Variants in SCIN observed in about 807,000 individuals in gnomAD.
The protein encoded by SCIN is scinderin, also known as adseverin.
A neutral mutation model predicts 91.8 loss-of-function variants in SCIN; 91 were observed. The observed-to-expected ratio is 0.99, with a 90% CI of 0.84 to 1.18. The LOEUF is 1.18. Ranked by LOEUF, SCIN falls within the 50% of genes most tolerant of loss-of-function variation. SCIN has a pLI of 0.00. For missense variants in SCIN, 1,087 were observed against 863.9 expected (o/e 1.26, Z -3.24); for synonymous variants, 367 against 312.6 (o/e 1.17, Z -1.84).
chr7:12,591,432 T>C (rs1212170169), intron 3 of SCIN, among the ~76,000 whole-genome samples: 1 of 152,098 alleles, frequency 6.6e-6, no homozygotes, highest in East Asian at 1.9e-4. Context: ...CCTTTGACTG[T>C]GTTATCTAGT....
In SCIN at chr7:12,651,715, G is replaced by A. The variant is rs542236424; in HGVS notation, c.1960-126G>A. On this transcript the variant is annotated intron_variant, in intron 14 of 15. Transcript: ENST00000297029. The surrounding 1 kb of genome is among the most constrained non-coding windows in gnomAD (Gnocchi z 5.9). Reference sequence around the variant, plus strand: ...TACCTCTCTGGGCCACCACCTCCACGTCCCTAACTTCTGCGGATATTGTGA... The same window carrying A: ...TACCTCTCTGGGCCACCACCTCCACATCCCTAACTTCTGCGGATATTGTGA... The A allele has an allele frequency of 9.4e-5, 58 of 618,466 alleles. No individual in the cohort carries two copies. Among genetic ancestry groups the A allele is most frequent in the Middle Eastern group, 4.1e-4 (1 of 2,426 alleles). The allele number at this position is 618,466 out of a possible 1,614,324, so 38.3% of individuals were successfully genotyped here. A position where few individuals can be genotyped will look rare whatever the true frequency, so the allele number is the denominator to read the frequency against.
chr7:12,629,372 T>C lies in SCIN; in HGVS notation c.1319+150T>C, dbSNP rs1562625146. 8 of 759,012 alleles carry C rather than the reference T, an allele frequency of 1.1e-5. No homozygotes were observed. In the East Asian group the frequency reaches 1.5e-4, roughly 14 times the overall value. The allele number at this position is 759,012 out of a possible 1,614,324, so 47.0% of individuals were successfully genotyped here. A position where few individuals can be genotyped will look rare whatever the true frequency, so the allele number is the denominator to read the frequency against. On this transcript the variant is annotated intron_variant, in intron 9 of 15. Coordinates refer to ENST00000297029, the MANE Select transcript of SCIN (RefSeq NM_001112706.3). ...CATATAGTATTTTCTTTTTACATGA[T>C]TTTGACTATGTTTTGCAGTTGCCAT...
At position 12,601,512 on chromosome 7, in the gene SCIN, G is replaced by A. The variant is rs188206823; in HGVS notation, c.517-3002G>A. 3.4e-3 allele frequency among the ~76,000 whole-genome samples: 523 copies of A among 152,244 alleles called. 1 individual carries two copies. Among genetic ancestry groups the A allele is most frequent in the African/African-American group, 0.012 (487 of 41,526 alleles). On this transcript the variant is annotated intron_variant, in intron 3 of 15. Transcript: ENST00000297029. ...TGGTTGACTAGATGAAACGTGTGTG[G>A]GAGTGTTGTGAAAACCAAGCACAGT...
chr7:12,636,241 G>T (rs190790343), intron 10 of SCIN, 106 bp downstream of exon 10: 3 of 708,136 alleles, frequency 4.2e-6, no homozygotes, highest in South Asian at 1.9e-5. Context: ...ACATTTTCTT[G>T]ATATGAACTG....
intron 3 of SCIN, among the ~76,000 whole-genome samples, chr7:12,604,080 T>C (rs568395503): frequency 6.6e-6 from 1 of 152,192 alleles, no homozygotes; most frequent in Admixed American, 6.5e-5. Context: ...AAACATCATG[T>C]TATACACAAT....
At position 12,659,480 on chromosome 7, in the gene SCIN, CAT is replaced by C. The variant is rs1242124776; in HGVS notation, c.*6766_*6767del. The C allele has an allele frequency of 2.0e-5, 3 of 152,320 alleles. No homozygotes were observed. The highest frequency in any genetic ancestry group is 2.9e-5 in the Non-Finnish European group (2 of 68,028). The allele number at this position is 152,320 out of a possible 1,614,324, so 9.4% of individuals were successfully genotyped here. A position where few individuals can be genotyped will look rare whatever the true frequency, so the allele number is the denominator to read the frequency against. On this transcript the variant is annotated 3_prime_UTR_variant, in exon 16 of 16. Transcript: ENST00000297029. Reference sequence around the variant, plus strand: ...AAGTTGGGATAAAGAGTCTTCCAAACATGTGCCATTTTGGCATGGATATCTAA... The same window carrying C: ...AAGTTGGGATAAAGAGTCTTCCAAACGTGCCATTTTGGCATGGATATCTAA...
chr7:12,588,759 C>T (rs1782644491), intron 3 of SCIN, among the ~76,000 whole-genome samples: 1 of 140,028 alleles, frequency 7.1e-6, no homozygotes, highest in Non-Finnish European at 1.5e-5. Flanking sequence ...AGATAAGGGT[C>T]CAGGAATGCA....
chr7:12,630,313 C>T (rs192632819), intron 9 of SCIN, among the ~76,000 whole-genome samples: 1 of 152,148 alleles, frequency 6.6e-6, no homozygotes, highest in Non-Finnish European at 1.5e-5. Flanking sequence ...CACCTTTGAC[C>T]CACAAAGGCA....
chr7:12,576,610 T>C (rs936631567), intron 1 of SCIN, among the ~76,000 whole-genome samples: 2 of 152,192 alleles, frequency 1.3e-5, no homozygotes, highest in Non-Finnish European at 2.9e-5. Context: ...TATAAAATTG[T>C]ACCGCTAATG....
intron 10 of SCIN, among the ~76,000 whole-genome samples, chr7:12,639,190 C>T (rs1310981954): frequency 1.3e-5 from 2 of 152,032 alleles, no homozygotes; most frequent in African/African-American, 2.4e-5. Flanking sequence ...AAGGGATGGG[C>T]CTTAATCAGT....
At chr7:12,633,792 C>T (rs113363570) in intron 9 of SCIN, among the ~76,000 whole-genome samples, 49 of 152,288 alleles carry the variant, frequency 3.2e-4, no homozygotes, top group African/African-American at 1.1e-3. Context: ...GGTGGCCCAT[C>T]ATCATGCAGC....
intron 8 of SCIN, among the ~76,000 whole-genome samples, chr7:12,628,028 C>CGTGTGTGT (rs1215262855): frequency 1.5e-4 from 11 of 71,056 alleles, no homozygotes; most frequent in Admixed American, 9.6e-4. Context: ...GGCAAGTGTG[C>CGTGTGTGT]GCGCGTGTGT....
intron 3 of SCIN, among the ~76,000 whole-genome samples, chr7:12,601,793 C>T (rs1469501365): frequency 6.6e-6 from 1 of 152,176 alleles, no homozygotes; most frequent in Non-Finnish European, 1.5e-5. Context: ...TTTGTTTCTA[C>T]TTAAATGTAA....
In SCIN at chr7:12,649,557, T is replaced by C. The variant is rs1784035838; in HGVS notation, c.1959+13T>C. 1 of 1,570,568 alleles carries C rather than the reference T, an allele frequency of 6.4e-7. No individual in the cohort carries two copies. Among genetic ancestry groups the C allele is most frequent in the Non-Finnish European group, 8.7e-7 (1 of 1,151,892 alleles). ...TGCTTGGGAACAGGTAAAACTACAT[T>C]TTGTTCATAAGAAGAGAATGCATTT... On this transcript the variant is annotated intron_variant, in intron 14 of 15. Transcript: ENST00000297029.
chr7:12,578,909 G>GTTTTTTTTTTTTTTTGTTTGTTTTTTTTT (rs1782431590), intron 2 of SCIN, among the ~76,000 whole-genome samples: 7 of 85,890 alleles, frequency 8.1e-5, no homozygotes, highest in Non-Finnish European at 1.6e-4. Flanking sequence ...TATAGGACAG[G>GTTTTTTTTTTTTTTTGTTTGTTTTTTTTT]TTTTTTTTTT....
intron 4 of SCIN, among the ~76,000 whole-genome samples, chr7:12,619,022 C>G (rs1262221682): frequency 6.6e-6 from 1 of 152,034 alleles, no homozygotes; most frequent in Non-Finnish European, 1.5e-5. Flanking sequence ...TCCTAACTTC[C>G]TTCAGGCTCA....
At chr7:12,631,020 A>G (rs1312136771) in intron 9 of SCIN, among the ~76,000 whole-genome samples, 2 of 152,168 alleles carry the variant, frequency 1.3e-5, no homozygotes, top group Non-Finnish European at 2.9e-5. Flanking sequence ...GAAAAACATA[A>G]TTGATTGTGG....
At chr7:12,635,997 T>C (rs746989157) in intron 9 of SCIN, 48 bp from the exon 10 acceptor site, 1 of 1,402,392 alleles carries the variant, frequency 7.1e-7, no homozygotes. Context: ...CATGTGACGA[T>C]CTTAAAACTT....
chr7:12,574,473 G>T (rs150773468), intron 1 of SCIN, among the ~76,000 whole-genome samples: 3 of 152,188 alleles, frequency 2.0e-5, no homozygotes, highest in African/African-American at 7.2e-5. Flanking sequence ...GATTGTGATA[G>T]CAGATGTATG....
Sources: allele counts gnomAD v4.1 joint callset (sites outside exome capture counted in the v4.1 genomes callset), GRCh38; gene constraint gnomAD v4.1.1; non-coding constraint Gnocchi (gnomAD v3.1); transcripts MANE v1.5; gene names NCBI Gene and HGNC (gene_info 2026-07-23, HGNC 2026-07-21).